The following CBL variants were observed in gnomAD, a reference collection of about 807,000 sequenced individuals.
CBL encodes E3 ubiquitin-protein ligase CBL.
In CBL, 45 loss-of-function variants were observed where a neutral mutation model predicts 96.9. That is an observed-to-expected ratio of 0.46 (90% confidence interval 0.37 to 0.60). The LOEUF is 0.60. CBL is among the 20% of genes least tolerant of loss of function. The probability of loss-of-function intolerance (pLI) is 0.00; values close to 1 mark genes in which losing one functional copy is unlikely to be tolerated. For missense variants in CBL, 1,024 were observed against 1,143.5 expected (o/e 0.90, Z 1.51); for synonymous variants, 420 against 426.8 (o/e 0.98, Z 0.20).
At chr11:119,263,753 G>A (rs1345079964) in intron 2 of CBL, among the ~76,000 whole-genome samples, 4 of 152,132 alleles carry the variant, frequency 2.6e-5, no homozygotes, top group Admixed American at 2.6e-4. Context: ...AAACAGTTCC[G>A]TTGTATCTAT....
At chr11:119,227,321 C>G (rs1001383759) in intron 1 of CBL, among the ~76,000 whole-genome samples, 1 of 152,076 alleles carries the variant, frequency 6.6e-6, no homozygotes, top group Non-Finnish European at 1.5e-5. Context: ...ATACTATTGA[C>G]TTATGATACC....
intron 2 of CBL, among the ~76,000 whole-genome samples, chr11:119,247,851 C>T (rs1949644227): frequency 6.6e-6 from 1 of 151,620 alleles, no homozygotes; most frequent in Non-Finnish European, 1.5e-5. Context: ...AATGAACAAT[C>T]CAAAAATAAA....
chr11:119,248,885 A>G (rs1402581409), intron 2 of CBL, among the ~76,000 whole-genome samples: 2 of 152,362 alleles, frequency 1.3e-5, no homozygotes, highest in East Asian at 1.9e-4. Flanking sequence ...AGGATGCTCA[A>G]CATCATTAAA....
chr11:119,252,345 TAATC>T (rs1949675538), intron 2 of CBL, among the ~76,000 whole-genome samples: 1 of 152,176 alleles, frequency 6.6e-6, no homozygotes, highest in Non-Finnish European at 1.5e-5. Context: ...ACATTTAAAA[TAATC>T]AGTTGAATAT....
rs1467484951 is a variant in CBL at position 119,264,447 on chromosome 11, C to CTTCTCTTCTCTTCTCTTCTCTTCT, written c.444-7271_444-7270insCTCTTCTTTCTCTTCTCTTCTCTT. Reference sequence around the variant, plus strand: ...TCTTCTCTTCTCTTCTCTTCTTTCTCTTCTCTTCTCTTCTCTTTTCTTCTT... The same window carrying CTTCTCTTCTCTTCTCTTCTCTTCT: ...TCTTCTCTTCTCTTCTCTTCTTTCTCTTCTCTTCTCTTCTCTTCTCTTCTTTCTCTTCTCTTCTCTTTTCTTCTT... On this transcript the variant is annotated intron_variant, in intron 2 of 15. Transcript: ENST00000264033. Among the ~76,000 whole-genome samples, 102 of 125,772 alleles carry CTTCTCTTCTCTTCTCTTCTCTTCT rather than the reference C, an allele frequency of 8.1e-4. 2 individuals are homozygous for CTTCTCTTCTCTTCTCTTCTCTTCT. The highest frequency in any genetic ancestry group is 2.4e-3 in the African/African-American group (74 of 30,622). The allele number at this position is 125,772 out of a possible 152,430, so 82.5% of individuals were successfully genotyped here. A position where few individuals can be genotyped will look rare whatever the true frequency, so the allele number is the denominator to read the frequency against.
intron 9 of CBL, among the ~76,000 whole-genome samples, chr11:119,281,212 C>A (rs1949930882): frequency 6.6e-6 from 1 of 152,194 alleles, no homozygotes; most frequent in Non-Finnish European, 1.5e-5. Context: ...CATGGGACTT[C>A]ATTGCCTCTC....
chr11:119,270,191 A>G (rs1460781531), intron 2 of CBL, among the ~76,000 whole-genome samples: 1 of 150,712 alleles, frequency 6.6e-6, no homozygotes, highest in Non-Finnish European at 1.5e-5. Flanking sequence ...CAAAGGACAC[A>G]TGGAAAAGTA....
At chr11:119,225,084 G>C (rs534936354) in intron 1 of CBL, among the ~76,000 whole-genome samples, 3 of 151,144 alleles carry the variant, frequency 2.0e-5, no homozygotes, top group African/African-American at 7.3e-5. Context: ...GCGCGCGCTT[G>C]TATGTATGCA....
At chr11:119,237,263 C>G (rs74392759) in intron 2 of CBL, among the ~76,000 whole-genome samples, 1 of 152,138 alleles carries the variant, frequency 6.6e-6, no homozygotes, top group Non-Finnish European at 1.5e-5. Flanking sequence ...TTTAAAGTTG[C>G]ATTATTTGTC....
chr11:119,290,531 A>T (rs1267904347), intron 12 of CBL, among the ~76,000 whole-genome samples: 1 of 149,660 alleles, frequency 6.7e-6, no homozygotes, highest in Non-Finnish European at 1.5e-5. Flanking sequence ...GGGCACCTGT[A>T]GTCCCAGCTA....
Position 119,300,427 on chromosome 11 carries a change from T to G in CBL, c.*646T>G, listed in dbSNP as rs1950093546. 2.5e-6 allele frequency: 1 copy of G among 406,416 alleles called. No individual in the cohort carries two copies. The highest frequency in any genetic ancestry group is 4.1e-5 in the Admixed American group (1 of 24,548). The allele number at this position is 406,416 out of a possible 1,614,324, so 25.2% of individuals were successfully genotyped here. On this transcript the variant is annotated 3_prime_UTR_variant, in exon 16 of 16. Transcript: ENST00000264033. ...AACTCCTTCCTCATCCTTCTTGGTG[T>G]TCTGTCATGGGCCATGGGCTTGCTA... is the stretch of plus-strand genomic sequence containing the variant.
At chr11:119,213,193 T>A (rs1949332222) in intron 1 of CBL, among the ~76,000 whole-genome samples, 1 of 152,184 alleles carries the variant, frequency 6.6e-6, no homozygotes, top group South Asian at 2.1e-4. Context: ...GCCTTCCCTG[T>A]GCCTCCTAAA....
At position 119,245,173 on chromosome 11, in the gene CBL, GT is replaced by G. The variant is rs55688715; in HGVS notation, c.443+12494del. On this transcript the variant is annotated intron_variant, in intron 2 of 15. Coordinates refer to ENST00000264033, the MANE Select transcript of CBL (RefSeq NM_005188.4). The stretch of plus-strand genomic sequence containing the variant: ...AGGTGTGAGCCACCTTGCCCGACCA[GT>G]TTTTTTTTTTTTTTTAAACCAGATA... 9.0e-3 allele frequency among the ~76,000 whole-genome samples: 1,290 copies of G among 143,420 alleles called. 12 individuals are homozygous for G. The highest frequency in any genetic ancestry group is 0.024 in the African/African-American group (951 of 39,032). 94.1% of individuals were successfully genotyped at this position (143,420 alleles called of 152,430 possible). A position where few individuals can be genotyped will look rare whatever the true frequency, so the allele number is the denominator to read the frequency against.
At chr11:119,242,741 T>TAAAAAAAA in intron 2 of CBL, among the ~76,000 whole-genome samples, 1 of 117,946 alleles carries the variant, frequency 8.5e-6, no homozygotes, top group Non-Finnish European at 1.8e-5. Context: ...CCTGACTCTT[T>TAAAAAAAA]AAAAAAAAAA....
At chr11:119,227,710 C>T (rs957518708) in intron 1 of CBL, among the ~76,000 whole-genome samples, 6 of 152,134 alleles carry the variant, frequency 3.9e-5, no homozygotes, top group African/African-American at 1.4e-4. Flanking sequence ...GCCACCACGC[C>T]TGGCTAATTT....
intron 11 of CBL, 97 bp from the exon 12 acceptor site, chr11:119,287,754 GT>G: frequency 2.4e-6 from 2 of 818,568 alleles, no homozygotes; most frequent in South Asian, 2.8e-5. Flanking sequence ...TGAGAGTTAG[GT>G]TTGTATCTGT....
intron 2 of CBL, among the ~76,000 whole-genome samples, chr11:119,263,402 G>C (rs1053629436): frequency 6.6e-6 from 1 of 152,118 alleles, no homozygotes; most frequent in African/African-American, 2.4e-5. Flanking sequence ...CTCTCATGTG[G>C]GTTGCTGCCT....
intron 1 of CBL, among the ~76,000 whole-genome samples, chr11:119,220,047 A>G (rs564965471): frequency 6.6e-6 from 1 of 152,034 alleles, no homozygotes; most frequent in East Asian, 1.9e-4. Context: ...GCGGGGTTTC[A>G]CCATGTTGGC....
At chr11:119,296,403 G>A (rs1433000368) in intron 12 of CBL, among the ~76,000 whole-genome samples, 1 of 152,194 alleles carries the variant, frequency 6.6e-6, no homozygotes, top group African/African-American at 2.4e-5. Flanking sequence ...TGATGTGGGA[G>A]TCAGTAGATC....
Sources: gnomAD v4.1 joint callset for allele counts (sites outside exome capture counted in the v4.1 genomes callset) on GRCh38, gnomAD v4.1.1 for gene constraint, MANE v1.5 for transcripts, NCBI Gene and HGNC (gene_info 2026-07-23, HGNC 2026-07-21) for gene names.